The following PROM1 variants were observed in gnomAD, a reference collection of about 807,000 sequenced individuals.
The protein encoded by PROM1 is prominin 1.
A neutral mutation model predicts 116.9 loss-of-function variants in PROM1; 105 were observed. The ratio of observed to expected loss-of-function variants is 0.90; its 90% CI spans 0.77 to 1.06. The LOEUF is 1.06. Among genes scored for constraint, PROM1 ranks in the 50% least tolerant of loss-of-function variants. The pLI is 0.00. For missense variants in PROM1, 1,122 were observed against 1,045.2 expected (o/e 1.07, Z -1.01); for synonymous variants, 393 against 387.0 (o/e 1.02, Z -0.18).
intron 9 of PROM1, among the ~76,000 whole-genome samples, 188 bp from the exon 10 acceptor site, chr4:16,016,428 AT>A (rs1728410743): frequency 6.6e-6 from 1 of 152,146 alleles, no homozygotes; most frequent in Admixed American, 6.5e-5. Context: ...ACAAGCACTA[AT>A]TTTTTGATGT....
intron 24 of PROM1, chr4:15,980,184 A>G: frequency 1.6e-6 from 1 of 615,558 alleles, no homozygotes; most frequent in Non-Finnish European, 2.9e-6. Context: ...AAGAAATAAA[A>G]AGGCTGGTTA....
At chr4:16,023,222 C>T (rs1730350008) in intron 8 of PROM1, 104 bp downstream of exon 8, 1 of 1,021,734 alleles carries the variant, frequency 9.8e-7, no homozygotes, top group Non-Finnish European at 1.5e-6. Context: ...GACGGTGGCT[C>T]TCCCCAAGCC....
At chr4:15,989,871 C>G in intron 18 of PROM1, 47 bp from the exon 19 acceptor site, 1 of 1,447,660 alleles carries the variant, frequency 6.9e-7, no homozygotes, top group Non-Finnish European at 9.5e-7. Flanking sequence ...TTTCCAGACT[C>G]AAAGCACTCT....
At chr4:16,043,438 C>T (rs1353928221) in intron 2 of PROM1, among the ~76,000 whole-genome samples, 1 of 152,192 alleles carries the variant, frequency 6.6e-6, no homozygotes, top group African/African-American at 2.4e-5. Flanking sequence ...GTAGCTGGGA[C>T]CACAGGCATG....
chr4:16,003,769 A>G (rs1724490530), intron 13 of PROM1, among the ~76,000 whole-genome samples: 1 of 152,206 alleles, frequency 6.6e-6, no homozygotes, highest in Non-Finnish European at 1.5e-5. Flanking sequence ...TGGGCAACAA[A>G]GCAAGACTGT....
chr4:16,042,885 A>T (rs1180213190), intron 2 of PROM1, among the ~76,000 whole-genome samples: 1 of 152,246 alleles, frequency 6.6e-6, no homozygotes, highest in Non-Finnish European at 1.5e-5. Context: ...CCAGATACAG[A>T]TATGAAAATC....
At chr4:16,005,931 C>A (rs1725361962) in intron 13 of PROM1, among the ~76,000 whole-genome samples, 4 of 152,206 alleles carry the variant, frequency 2.6e-5, no homozygotes. Flanking sequence ...ACAGGTTTTT[C>A]AAAGACACTA....
intron 8 of PROM1, among the ~76,000 whole-genome samples, chr4:16,019,580 G>T (rs1009368229): frequency 5.3e-5 from 8 of 152,196 alleles, no homozygotes; most frequent in African/African-American, 1.9e-4. Flanking sequence ...GATCTATCTG[G>T]ATGATGGAGC....
intron 17 of PROM1, 71 bp from the exon 18 acceptor site, chr4:15,991,364 C>T: frequency 2.0e-6 from 2 of 1,012,510 alleles, no homozygotes; most frequent in Non-Finnish European, 1.4e-6. Flanking sequence ...ATCTAGTAGG[C>T]AACAGATTAA....
Position 16,006,705 on chromosome 4 carries a change from A to C in PROM1, c.1302-15T>G. 2 of 1,611,968 alleles carry C rather than the reference A, an allele frequency of 1.2e-6. No individual in the cohort carries two copies. Among genetic ancestry groups the C allele is most frequent in the Non-Finnish European group, 1.7e-6 (2 of 1,179,176 alleles). On this transcript the variant is annotated splice_polypyrimidine_tract_variant and intron_variant, in intron 12 of 27. Coordinates refer to ENST00000447510, the MANE Select transcript of PROM1 (RefSeq NM_006017.3). Reference sequence around the variant, plus strand: ...CACCCAGCCACCTGGAGAGGCAAGCACAGTGTTAGTATACATGACACAGGT... The same window carrying C: ...CACCCAGCCACCTGGAGAGGCAAGCCCAGTGTTAGTATACATGACACAGGT...
rs886037880 is a variant in PROM1, at chr4:16,009,093, A to T, written c.1157T>A (p.Leu386Ter). Residue 386 changes from leucine (L) to a stop codon, truncating the protein, a stop_gained, in exon 12 of 28, where the codon TTG becomes TAG. Coordinates refer to ENST00000447510, the MANE Select transcript of PROM1 (RefSeq NM_006017.3). LOFTEE classifies it high-confidence loss of function. ...TTVVAGIKRV[L>*]NSIGSDIDNV... ...GTCGATATCTGAACCAATGGAATTC[A>T]AGACCCTTTTGATACCTGAAAACAA... is the stretch of plus-strand genomic sequence containing the variant. 3.7e-6 allele frequency: 6 copies of T among 1,612,876 alleles called. No individual in the cohort carries two copies. The Middle Eastern group carries it at 5.1e-4, about 137-fold the overall frequency.
chr4:16,000,675 T>A (rs546274662), intron 13 of PROM1, 56 bp from the exon 14 acceptor site: 3 of 1,391,144 alleles, frequency 2.2e-6, no homozygotes. Context: ...TATTACCTAC[T>A]GATACTTACT....
chr4:16,023,707 C>A (rs1044137435), intron 7 of PROM1, among the ~76,000 whole-genome samples: 1 of 152,178 alleles, frequency 6.6e-6, no homozygotes, highest in African/African-American at 2.4e-5. Flanking sequence ...AGAGTTCGCA[C>A]CTGGACTGCA....
intron 13 of PROM1, among the ~76,000 whole-genome samples, chr4:16,002,919 T>C (rs1171175193): frequency 6.6e-6 from 1 of 152,094 alleles, no homozygotes; most frequent in Non-Finnish European, 1.5e-5. Context: ...ACTGAAAATA[T>C]TGAAAAGGAG....
chr4:16,056,414 C>T (rs944084258), intron 2 of PROM1, among the ~76,000 whole-genome samples: 4 of 152,052 alleles, frequency 2.6e-5, no homozygotes, highest in Non-Finnish European at 5.9e-5. Context: ...GGGGTACTTG[C>T]TGCGTTGTGG....
chr4:16,052,068 G>C (rs1019324902), intron 2 of PROM1, among the ~76,000 whole-genome samples: 4 of 152,162 alleles, frequency 2.6e-5, no homozygotes, highest in African/African-American at 9.7e-5. Flanking sequence ...TTCTCTGTTG[G>C]ATCTATATCT....
chr4:15,994,534 C>G (rs576408425), intron 15 of PROM1, among the ~76,000 whole-genome samples: 1 of 152,056 alleles, frequency 6.6e-6, no homozygotes, highest in African/African-American at 2.4e-5. Flanking sequence ...TACGCTTAGA[C>G]GTATATCCTC....
At chr4:16,083,386 G>A (rs1047274311) in intron 1 of PROM1, 1 of 151,366 alleles carries the variant, frequency 6.6e-6, no homozygotes, top group African/African-American at 2.4e-5. Flanking sequence ...CCCAAGCGGG[G>A]CGTCGCGGGC....
At chr4:16,071,728 G>A (rs920069980) in intron 2 of PROM1, among the ~76,000 whole-genome samples, 23 of 152,132 alleles carry the variant, frequency 1.5e-4, no homozygotes, top group African/African-American at 5.1e-4. Flanking sequence ...CTTTATCTTA[G>A]ACATCCCAGC....
Sources: allele counts gnomAD v4.1 joint callset (sites outside exome capture counted in the v4.1 genomes callset), GRCh38; gene constraint gnomAD v4.1.1; transcripts MANE v1.5; gene names NCBI Gene and HGNC (gene_info 2026-07-23, HGNC 2026-07-21).